WHRN: variants seen among roughly 807,000 people sequenced by gnomAD.
The protein encoded by WHRN is CASK-interacting protein CIP98.
Under a neutral mutation model 68.3 loss-of-function variants are expected in WHRN, and 41 were observed. That is an observed-to-expected ratio of 0.60 (90% confidence interval 0.47 to 0.78). The LOEUF (loss-of-function observed/expected upper bound fraction) is 0.78, where lower values mean the gene tolerates loss of function less well. WHRN is among the 30% of genes least tolerant of loss of function. The probability of loss-of-function intolerance (pLI) is 0.00; values close to 1 mark genes in which losing one functional copy is unlikely to be tolerated. For synonymous variants in WHRN, 560 were observed against 561.3 expected (o/e 1.00, Z 0.03); for missense variants, 1,243 against 1,244.7 (o/e 1.00, Z 0.02).
intron 3 of WHRN, among the ~76,000 whole-genome samples, chr9:114,460,380 A>C (rs1394763219): frequency 6.6e-6 from 1 of 152,264 alleles, no homozygotes; most frequent in African/African-American, 2.4e-5. Context: ...AGGATGAAAT[A>C]AAAGTGTATC....
intron 1 of WHRN, among the ~76,000 whole-genome samples, 185 bp from the exon 2 acceptor site, chr9:114,478,956 C>G (rs1305769857): frequency 1.3e-5 from 2 of 152,164 alleles, no homozygotes; most frequent in Admixed American, 6.5e-5. Context: ...TCTGTCCCAC[C>G]CCCATCCTGA....
chr9:114,452,385 T>C (rs1484526649), intron 3 of WHRN, among the ~76,000 whole-genome samples: 1 of 152,210 alleles, frequency 6.6e-6, no homozygotes, highest in African/African-American at 2.4e-5. Context: ...AGCCTGAGTT[T>C]CCATCACGCA....
intron 2 of WHRN, among the ~76,000 whole-genome samples, chr9:114,474,374 G>A (rs1051081424): frequency 2.0e-5 from 3 of 151,838 alleles, no homozygotes; most frequent in East Asian, 1.9e-4. Context: ...TTCTTCCCTC[G>A]CCAGCTAAGA....
At chr9:114,478,242 C>T in intron 2 of WHRN, 1 of 641,060 alleles carries the variant, frequency 1.6e-6, no homozygotes. Flanking sequence ...GAGCCAGGAT[C>T]TCGTGACCGC....
intron 3 of WHRN, among the ~76,000 whole-genome samples, chr9:114,431,185 A>G (rs1025302544): frequency 2.6e-5 from 4 of 152,210 alleles, no homozygotes; most frequent in Non-Finnish European, 5.9e-5. Flanking sequence ...ACCGTGACAT[A>G]GTAGCTGAGT....
intron 1 of WHRN, among the ~76,000 whole-genome samples, chr9:114,483,679 C>T (rs752017978): frequency 6.6e-6 from 1 of 152,220 alleles, no homozygotes; most frequent in South Asian, 2.1e-4. Flanking sequence ...GACAGAGACC[C>T]AGCAGGTCCC....
At chr9:114,475,228 C>G (rs1164969419) in intron 2 of WHRN, among the ~76,000 whole-genome samples, 1 of 152,114 alleles carries the variant, frequency 6.6e-6, no homozygotes, top group East Asian at 1.9e-4. Context: ...TCTTACCATC[C>G]CTGCCACACT....
chr9:114,432,546 T>C (rs571937828), intron 3 of WHRN, among the ~76,000 whole-genome samples: 2 of 152,322 alleles, frequency 1.3e-5, no homozygotes, highest in East Asian at 1.9e-4. Flanking sequence ...CAGGAGTCTC[T>C]GACTAATTCT....
At chr9:114,453,877 A>C (rs1839549764) in intron 3 of WHRN, among the ~76,000 whole-genome samples, 1 of 152,188 alleles carries the variant, frequency 6.6e-6, no homozygotes, top group Non-Finnish European at 1.5e-5. Flanking sequence ...GAAAACCCAG[A>C]CCACTATCCT....
intron 3 of WHRN, among the ~76,000 whole-genome samples, chr9:114,458,409 T>C (rs545114311): frequency 6.6e-6 from 1 of 152,324 alleles, no homozygotes; most frequent in East Asian, 1.9e-4. Context: ...AAATGTGTAT[T>C]TTTGCGGGCT....
intron 3 of WHRN, among the ~76,000 whole-genome samples, chr9:114,439,753 T>C (rs985982819): frequency 2.0e-5 from 3 of 152,198 alleles, no homozygotes; most frequent in African/African-American, 7.2e-5. Flanking sequence ...TTCTTAAATA[T>C]ACTGGAATTT....
At chr9:114,472,347 G>A (rs527777265) in intron 2 of WHRN, among the ~76,000 whole-genome samples, 1 of 152,330 alleles carries the variant, frequency 6.6e-6, no homozygotes, top group African/African-American at 2.4e-5. Context: ...TAATCTCACA[G>A]GTCTTGCTGC....
intron 7 of WHRN, among the ~76,000 whole-genome samples, chr9:114,412,499 G>A (rs1298984475): frequency 1.3e-5 from 2 of 152,146 alleles, no homozygotes; most frequent in South Asian, 2.1e-4. Context: ...AGATCAGAGC[G>A]GGAAGGTCAT....
intron 7 of WHRN, among the ~76,000 whole-genome samples, chr9:114,422,296 G>A (rs1044316196): frequency 2.0e-5 from 3 of 152,176 alleles, no homozygotes; most frequent in South Asian, 2.1e-4. Context: ...ATGACCTAAC[G>A]GTGAGAAACA....
intron 7 of WHRN, among the ~76,000 whole-genome samples, chr9:114,411,166 G>A (rs754720660): frequency 2.0e-5 from 3 of 152,158 alleles, no homozygotes; most frequent in Non-Finnish European, 2.9e-5. Flanking sequence ...TGGCCCATAT[G>A]ACAACTAGGA....
At chr9:114,443,600 A>C (rs1838569522) in intron 3 of WHRN, among the ~76,000 whole-genome samples, 1 of 152,072 alleles carries the variant, frequency 6.6e-6, no homozygotes. Context: ...CCCTACCTCA[A>C]GGCCAGCTGA....
chr9:114,425,586 GACACAC>G lies in WHRN; in HGVS notation c.1167-568_1167-563del, dbSNP rs148103230. On this transcript the variant is annotated intron_variant, in intron 4 of 11. Transcript: ENST00000362057. The stretch of plus-strand genomic sequence containing the variant: ...GCAGGTGAAAGGAAGGGAAGGGGGA[GACACAC>G]ACACACACACACACACACACACACA... 5.3e-3 allele frequency: 823 copies of G among 154,200 alleles called. 4 individuals carry two copies. The highest frequency in any genetic ancestry group is 0.013 in the African/African-American group (471 of 36,650). 9.6% of individuals were successfully genotyped at this position (154,200 alleles called of 1,614,324 possible).
chr9:114,496,045 G>GT lies in WHRN; in HGVS notation c.618+8138dup, dbSNP rs957603918. On this transcript the variant is annotated intron_variant, in intron 1 of 11. Coordinates refer to ENST00000362057, the MANE Select transcript of WHRN (RefSeq NM_015404.4). ...AGATGTAGCTCAAATAAATTACAGG[G>GT]TTTTTTTTTTAAGTGCAGAAGCCCA... Among the ~76,000 whole-genome samples the GT allele has an allele frequency of 1.1e-3, 163 of 149,258 alleles. 3 individuals carry two copies. Among genetic ancestry groups the GT allele is most frequent in the African/African-American group, 3.5e-3 (143 of 40,736 alleles).
intron 7 of WHRN, among the ~76,000 whole-genome samples, chr9:114,412,359 A>G (rs1244534117): frequency 1.3e-5 from 2 of 152,000 alleles, no homozygotes; most frequent in Non-Finnish European, 2.9e-5. Context: ...ACCCACACAC[A>G]ATCACAGCCA....
Sources: allele counts gnomAD v4.1 joint callset (sites outside exome capture counted in the v4.1 genomes callset), GRCh38; gene constraint gnomAD v4.1.1; transcripts MANE v1.5; gene names NCBI Gene and HGNC (gene_info 2026-07-23, HGNC 2026-07-21).